CPXM2: variants seen among roughly 807,000 people sequenced by gnomAD.
CPXM2 encodes inactive carboxypeptidase-like protein X2.
CPXM2 carries 66 observed loss-of-function variants against 86.1 expected under a neutral mutation model. The ratio of observed to expected loss-of-function variants is 0.77; its 90% CI spans 0.63 to 0.94. The LOEUF is 0.94. CPXM2 is among the 40% of genes least tolerant of loss of function. The pLI, the probability that CPXM2 is intolerant of heterozygous loss-of-function variation, is 0.00. For missense variants in CPXM2, 948 were observed against 1,026.3 expected (o/e 0.92, Z 1.04); for synonymous variants, 388 against 400.2 (o/e 0.97, Z 0.36).
intron 3 of CPXM2, among the ~76,000 whole-genome samples, chr10:123,860,921 G>C (rs1439799764): frequency 6.6e-6 from 1 of 152,202 alleles, no homozygotes; most frequent in Non-Finnish European, 1.5e-5. Context: ...TTCTACAAAT[G>C]TTCTACCTGA....
chr10:123,884,869 G>A (rs546078683), intron 1 of CPXM2, among the ~76,000 whole-genome samples: 10 of 152,348 alleles, frequency 6.6e-5, no homozygotes, highest in Middle Eastern at 3.4e-3. Flanking sequence ...GAGTGGGCAT[G>A]GCTGGGGCAG....
Position 123,811,439 on chromosome 10 carries a change from C to T in CPXM2, c.654-12240G>A, listed in dbSNP as rs533460049. ...TTGCAATAGTTTGCAGAGAATGATG[C>T]TGACTGGATTAGCTACTTAAATGTG... is the stretch of plus-strand genomic sequence containing the variant. On this transcript the variant is annotated intron_variant, in intron 4 of 13. Transcript: ENST00000241305. Among the ~76,000 whole-genome samples, 13 of 152,094 alleles carry T rather than the reference C, an allele frequency of 8.5e-5. No individual in the cohort carries two copies. In the East Asian group the frequency reaches 2.3e-3, roughly 27 times the overall value.
upstream of CPXM2, among the ~76,000 whole-genome samples, chr10:123,893,930 C>T (rs1945313366): frequency 1.3e-5 from 2 of 152,244 alleles, no homozygotes; most frequent in South Asian, 2.1e-4. Flanking sequence ...AGAGCTTGCT[C>T]AACAGCAGAC....
chr10:123,832,118 A>C (rs1337333419), intron 4 of CPXM2, among the ~76,000 whole-genome samples: 2 of 152,218 alleles, frequency 1.3e-5, no homozygotes, highest in African/African-American at 2.4e-5. Context: ...TATTAACATT[A>C]CATATTAGAA....
intron 2 of CPXM2, among the ~76,000 whole-genome samples, chr10:123,863,508 C>T (rs1402834157): frequency 6.6e-6 from 1 of 152,230 alleles, no homozygotes; most frequent in East Asian, 1.9e-4. Flanking sequence ...CTTCCTTCCC[C>T]AGGGTTTGCC....
rs552001822 is a variant in CPXM2 at position 123,750,947 on chromosome 10, T to C, written c.2017+3716A>G. 4 of 985,458 alleles carry C rather than the reference T, an allele frequency of 4.1e-6. No homozygotes were observed. In the South Asian group the frequency reaches 1.9e-4, roughly 46 times the overall value. The allele number at this position is 985,458 out of a possible 1,614,324, so 61.0% of individuals were successfully genotyped here. On this transcript the variant is annotated intron_variant, in intron 13 of 13. Transcript: ENST00000241305. Reference sequence around the variant, plus strand: ...GAAAAGTCTGGAATCACTCACATTATGAAAAGCAGGAGATGCAGTGTTGGG... The same window carrying C: ...GAAAAGTCTGGAATCACTCACATTACGAAAAGCAGGAGATGCAGTGTTGGG...
intron 2 of CPXM2, among the ~76,000 whole-genome samples, chr10:123,872,791 G>C (rs535920287): frequency 6.6e-6 from 1 of 152,148 alleles, no homozygotes; most frequent in African/African-American, 2.4e-5. Context: ...CGTTAAAGGA[G>C]GTATACCATC....
rs868029784 is a variant in CPXM2 at position 123,768,687 on chromosome 10, C to T, written c.1138G>A (p.Gly380Ser). The T allele has an allele frequency of 3.7e-6, 6 of 1,611,594 alleles. No individual in the cohort carries two copies. The highest frequency in any genetic ancestry group is 1.6e-4 in the Middle Eastern group (1 of 6,062). ...PEFHYIAGAH[G>S]NEVLGRELLL... ...AGCTCCCGGCCCAGCACCTCATTGCCGTGGGCCCCCGCGATGTAGTGGAAC... is the reference window on the plus strand; with the variant it reads ...AGCTCCCGGCCCAGCACCTCATTGCTGTGGGCCCCCGCGATGTAGTGGAAC... The change falls in exon 9 of 14, where the codon GGC becomes AGC. Residue 380 changes from glycine to serine, a missense_variant. Gly to Ser is a moderately conservative substitution (Grantham distance 56). Transcript: ENST00000241305.
At chr10:123,893,187 C>T (rs750440395), upstream of CPXM2, among the ~76,000 whole-genome samples, 1 of 149,208 alleles carries the variant, frequency 6.7e-6, no homozygotes, top group African/African-American at 2.5e-5. Context: ...CCATGGAGTG[C>T]GCTACAGGGA....
At chr10:123,888,863 G>A (rs1945220660) in intron 1 of CPXM2, among the ~76,000 whole-genome samples, 1 of 152,192 alleles carries the variant, frequency 6.6e-6, no homozygotes, top group Non-Finnish European at 1.5e-5. Context: ...GGCCTCTGAT[G>A]TGAGTCTCTA....
intron 3 of CPXM2, among the ~76,000 whole-genome samples, chr10:123,858,593 C>T (rs1848791892): frequency 6.6e-6 from 1 of 152,164 alleles, no homozygotes; most frequent in Non-Finnish European, 1.5e-5. Context: ...TCATCCCATG[C>T]TCCCTGTGTC....
chr10:123,748,140 T>C (rs1417708348), intron 13 of CPXM2, among the ~76,000 whole-genome samples: 2 of 152,024 alleles, frequency 1.3e-5, no homozygotes, highest in African/African-American at 2.4e-5. Flanking sequence ...GCAGGCTGCA[T>C]GCTTATTCCC....
chr10:123,818,040 T>C (rs1321867047), intron 4 of CPXM2, among the ~76,000 whole-genome samples: 4 of 152,124 alleles, frequency 2.6e-5, no homozygotes, highest in Admixed American at 2.0e-4. Flanking sequence ...GATTAGAAAG[T>C]TGGTGAAGAG....
intron 11 of CPXM2, 79 bp downstream of exon 11, chr10:123,761,793 G>T: frequency 7.1e-7 from 1 of 1,410,368 alleles, no homozygotes; most frequent in Non-Finnish European, 9.7e-7. Flanking sequence ...GGACAGTAGT[G>T]ACACCAGGAG....
At chr10:123,817,299 C>T (rs1331046100) in intron 4 of CPXM2, among the ~76,000 whole-genome samples, 1 of 152,154 alleles carries the variant, frequency 6.6e-6, no homozygotes, top group Non-Finnish European at 1.5e-5. Flanking sequence ...TCCAATGGTG[C>T]TTGAGGCGTC....
At chr10:123,792,938 G>A (rs937297362) in intron 6 of CPXM2, among the ~76,000 whole-genome samples, 2 of 152,194 alleles carry the variant, frequency 1.3e-5, no homozygotes, top group Non-Finnish European at 2.9e-5. Context: ...AGACAGGTGG[G>A]CAGCCACCCC....
intron 13 of CPXM2, chr10:123,752,569 C>G (rs11817390): frequency 1.0e-6 from 1 of 985,376 alleles, no homozygotes; most frequent in East Asian, 1.1e-4. Context: ...TCGCCTCATC[C>G]TAATGTCCCA....
intron 6 of CPXM2, among the ~76,000 whole-genome samples, chr10:123,796,199 C>T (rs910368464): frequency 2.6e-5 from 4 of 152,222 alleles, no homozygotes; most frequent in African/African-American, 9.6e-5. Flanking sequence ...CTCTCTGCAT[C>T]GGCCTTGAAA....
chr10:123,827,083 C>T (rs55717808), intron 4 of CPXM2, among the ~76,000 whole-genome samples: 1 of 152,072 alleles, frequency 6.6e-6, no homozygotes, highest in Non-Finnish European at 1.5e-5. Flanking sequence ...TTCAAGCATT[C>T]GTGGAGCATT....
Sources: gnomAD v4.1 joint callset for allele counts (sites outside exome capture counted in the v4.1 genomes callset) on GRCh38, gnomAD v4.1.1 for gene constraint, MANE v1.5 for transcripts, NCBI Gene and HGNC (gene_info 2026-07-23, HGNC 2026-07-21) for gene names.